CFAP54: variants seen among roughly 807,000 people sequenced by gnomAD.
CFAP54 encodes cilia- and flagella-associated protein 54.
Under a neutral mutation model 370.4 loss-of-function variants are expected in CFAP54, and 290 were observed. That is an observed-to-expected ratio of 0.78 (90% CI 0.71 to 0.86). The LOEUF (loss-of-function observed/expected upper bound fraction) is 0.86. Among genes scored for constraint, CFAP54 ranks in the 40% least tolerant of loss-of-function variants. The probability of loss-of-function intolerance (pLI) is 0.00; values close to 1 mark genes in which losing one functional copy is unlikely to be tolerated. For synonymous variants in CFAP54, 1,206 were observed against 1,236.5 expected, an observed-to-expected ratio of 0.98 and a Z score of 0.52; for missense variants, 3,399 against 3,528.7, an observed-to-expected ratio of 0.96 and a Z score of 0.93.
rs114229134 is a variant in CFAP54, at chr12:96,767,908, G to A, written c.8281+2690G>A. ...TGTTACTGTATGTAGAGTACTGTAC[G>A]AGATATTTACATTCAGAGAGAAGGA... On this transcript the variant is annotated intron_variant, in intron 60 of 67. Transcript: ENST00000524981. Among the ~76,000 whole-genome samples the A allele has an allele frequency of 2.6e-3, 397 of 152,204 alleles. 1 individual carries two copies. Among genetic ancestry groups the A allele is most frequent in the African/African-American group, 9.2e-3 (384 of 41,520 alleles).
At chr12:96,675,633 G>A (rs929664292) in intron 39 of CFAP54, among the ~76,000 whole-genome samples, 1 of 152,164 alleles carries the variant, frequency 6.6e-6, no homozygotes, top group African/African-American at 2.4e-5. Context: ...AAAGACACAT[G>A]CATAAGTATG....
intron 26 of CFAP54, among the ~76,000 whole-genome samples, chr12:96,614,987 C>T (rs1956399621): frequency 6.6e-6 from 1 of 152,144 alleles, no homozygotes; most frequent in South Asian, 2.1e-4. Context: ...CAATGACTTT[C>T]TTCACAGAAT....
chr12:96,525,329 A>G (rs1955367197), intron 8 of CFAP54, among the ~76,000 whole-genome samples: 1 of 151,706 alleles, frequency 6.6e-6, no homozygotes, highest in African/African-American at 2.4e-5. Flanking sequence ...TTATTTTTAT[A>G]GATATTATTA....
intron 66 of CFAP54, among the ~76,000 whole-genome samples, chr12:96,840,334 T>G (rs1959204196): frequency 6.6e-6 from 1 of 152,232 alleles, no homozygotes. Flanking sequence ...TGTACCCTAT[T>G]GATGTGGAAG....
chr12:96,557,056 A>C (rs759429535), intron 17 of CFAP54, among the ~76,000 whole-genome samples: 1 of 152,158 alleles, frequency 6.6e-6, no homozygotes, highest in Non-Finnish European at 1.5e-5. Flanking sequence ...ACTTAAAGCG[A>C]AAGTTAAATA....
At chr12:96,792,973 C>T (rs911483443) in intron 63 of CFAP54, among the ~76,000 whole-genome samples, 1 of 151,886 alleles carries the variant, frequency 6.6e-6, no homozygotes, top group African/African-American at 2.4e-5. Context: ...ATTCAGTTTG[C>T]TATTATTTGT....
chr12:96,631,234 CAT>C (rs993591552), intron 32 of CFAP54, among the ~76,000 whole-genome samples: 148 of 151,924 alleles, frequency 9.7e-4, no homozygotes, highest in African/African-American at 3.3e-3. Context: ...TAAATTATGA[CAT>C]ATTTTTAGAT....
intron 26 of CFAP54, among the ~76,000 whole-genome samples, chr12:96,602,405 T>G (rs936207618): frequency 6.6e-6 from 1 of 152,212 alleles, no homozygotes; most frequent in South Asian, 2.1e-4. Context: ...ATAAGTGCGA[T>G]GTGGTGCCAA....
At chr12:96,529,666 A>G (rs1955419866) in intron 9 of CFAP54, among the ~76,000 whole-genome samples, 1 of 152,076 alleles carries the variant, frequency 6.6e-6, no homozygotes, top group African/African-American at 2.4e-5. Context: ...TGAGGTGCCT[A>G]TTTTAACCTT....
chr12:96,641,929 G>C (rs1231035764), intron 32 of CFAP54, among the ~76,000 whole-genome samples: 1 of 142,614 alleles, frequency 7.0e-6, no homozygotes, highest in African/African-American at 2.5e-5. Flanking sequence ...GGCCTGTTGT[G>C]GGGTGGTGCG....
chr12:96,557,209 A>G (rs538943232), intron 17 of CFAP54, among the ~76,000 whole-genome samples: 1 of 152,166 alleles, frequency 6.6e-6, no homozygotes, highest in Non-Finnish European at 1.5e-5. Flanking sequence ...AACGATGACC[A>G]ATTGAATCTT....
At chr12:96,547,579 T>G (rs992979178) in intron 14 of CFAP54, among the ~76,000 whole-genome samples, 3 of 152,218 alleles carry the variant, frequency 2.0e-5, no homozygotes, top group African/African-American at 7.2e-5. Flanking sequence ...AAGATTTTTT[T>G]AAATTACCTT....
chr12:96,832,249 T>C (rs1235312518), intron 66 of CFAP54, among the ~76,000 whole-genome samples: 1 of 140,792 alleles, frequency 7.1e-6, no homozygotes, highest in Non-Finnish European at 1.5e-5. Flanking sequence ...GAACTATAAG[T>C]GCTTTAAAGC....
At position 96,795,628 on chromosome 12, in the gene CFAP54, C is replaced by T. The variant is rs529212154; in HGVS notation, c.8850+3129C>T. Among the ~76,000 whole-genome samples, 11 of 152,126 alleles carry T rather than the reference C, an allele frequency of 7.2e-5. No individual in the cohort carries two copies. In the East Asian group the frequency reaches 7.7e-4, roughly 11 times the overall value. On this transcript the variant is annotated intron_variant, in intron 63 of 67. Coordinates refer to ENST00000524981, the MANE Select transcript of CFAP54 (RefSeq NM_001306084.2). ...CCCAAAAGTCCAGTCTCACTCCCAC[C>T]GTGCCCTCCCAATGTCAGTGAGTTT...
intron 63 of CFAP54, among the ~76,000 whole-genome samples, chr12:96,806,078 G>T: frequency 6.9e-6 from 1 of 144,392 alleles, no homozygotes; most frequent in Non-Finnish European, 1.5e-5. Context: ...GATGGGTAAG[G>T]GTTGAAAAAT....
chr12:96,835,858 C>T (rs1403398959), intron 66 of CFAP54, among the ~76,000 whole-genome samples: 1 of 152,154 alleles, frequency 6.6e-6, no homozygotes, highest in African/African-American at 2.4e-5. Flanking sequence ...CCATGCCTTC[C>T]TGCTGCAGCT....
At chr12:96,782,983 A>T (rs73383028) in intron 60 of CFAP54, among the ~76,000 whole-genome samples, 1 of 152,194 alleles carries the variant, frequency 6.6e-6, no homozygotes, top group East Asian at 1.9e-4. Context: ...ATACTACATA[A>T]TAACAAAAAA....
At chr12:96,845,638 G>A (rs1959321116) in intron 66 of CFAP54, among the ~76,000 whole-genome samples, 1 of 152,220 alleles carries the variant, frequency 6.6e-6, no homozygotes, top group Non-Finnish European at 1.5e-5. Flanking sequence ...TGACTGCATT[G>A]CAGCCCAGCT....
In CFAP54 at chr12:96,625,717, G is replaced by A. The variant is rs748836545; in HGVS notation, c.3887-1G>A. The stretch of plus-strand genomic sequence containing the variant: ...ACAACTTTTGAATTTTTTAACCTTA[G>A]ATGTTACATCTGAACTCTCAGGAGG... On this transcript the variant is annotated splice_acceptor_variant, in intron 28 of 67. Transcript: ENST00000524981. LOFTEE classifies it high-confidence loss of function. The A allele has an allele frequency of 5.8e-5, 88 of 1,528,692 alleles. No individual in the cohort carries two copies. The highest frequency in any genetic ancestry group is 7.2e-5 in the Non-Finnish European group (82 of 1,143,074). The allele number at this position is 1,528,692 out of a possible 1,614,324, so 94.7% of individuals were successfully genotyped here.
Sources: allele counts gnomAD v4.1 joint callset (sites outside exome capture counted in the v4.1 genomes callset), GRCh38; gene constraint gnomAD v4.1.1; transcripts MANE v1.5; gene names NCBI Gene and HGNC (gene_info 2026-07-23, HGNC 2026-07-21).